Variants in COL26A1 observed in about 807,000 individuals in gnomAD.
COL26A1 encodes collagen alpha-1(XXVI) chain.
In COL26A1, 41 loss-of-function variants were observed where a neutral mutation model predicts 59.3. The ratio of observed to expected loss-of-function variants is 0.69; its 90% confidence interval spans 0.54 to 0.90. The LOEUF (loss-of-function observed/expected upper bound fraction) is 0.90, where lower values mean the gene tolerates loss of function less well. COL26A1 is among the 40% of genes least tolerant of loss of function. The probability of loss-of-function intolerance (pLI) is 0.00; values close to 1 mark genes in which losing one functional copy is unlikely to be tolerated. For missense variants in COL26A1, 612 were observed against 602.3 expected, an observed-to-expected ratio of 1.02 and a Z score of -0.17; for synonymous variants, 266 against 256.0, an observed-to-expected ratio of 1.04 and a Z score of -0.37.
chr7:101,479,697 A>G (rs1794117177), intron 3 of COL26A1, among the ~76,000 whole-genome samples: 1 of 152,048 alleles, frequency 6.6e-6, no homozygotes, highest in Non-Finnish European at 1.5e-5. Flanking sequence ...ACCTCAAGCT[A>G]TTATCTCTTC....
chr7:101,449,490 C>T (rs544239606), intron 3 of COL26A1, among the ~76,000 whole-genome samples: 8 of 152,192 alleles, frequency 5.3e-5, no homozygotes, highest in South Asian at 2.1e-4. Context: ...CAATGTTAGC[C>T]GGGAATGGTG....
chr7:101,479,922 T>A (rs1018947802), intron 3 of COL26A1, among the ~76,000 whole-genome samples: 3 of 152,212 alleles, frequency 2.0e-5, no homozygotes, highest in African/African-American at 7.2e-5. Context: ...ATTCTTCTCT[T>A]TTAGCTATTT....
intron 8 of COL26A1, among the ~76,000 whole-genome samples, chr7:101,548,241 A>C (rs1795781665): frequency 6.6e-6 from 1 of 152,106 alleles, no homozygotes; most frequent in South Asian, 2.1e-4. Flanking sequence ...GCCATGCTGG[A>C]CAGCCCAACA....
At chr7:101,536,100 T>C (rs1232574015) in intron 4 of COL26A1, among the ~76,000 whole-genome samples, 4 of 152,212 alleles carry the variant, frequency 2.6e-5, no homozygotes, top group Non-Finnish European at 5.9e-5. Context: ...AACCTCTGCC[T>C]CCTGGGACAG....
chr7:101,544,857 G>T (rs1795697261), intron 6 of COL26A1, among the ~76,000 whole-genome samples: 1 of 152,082 alleles, frequency 6.6e-6, no homozygotes, highest in African/African-American at 2.4e-5. Context: ...AGGGGCTTCG[G>T]GTACAGGCAT....
chr7:101,365,055 G>C (rs1791007981), intron 1 of COL26A1, among the ~76,000 whole-genome samples: 1 of 152,182 alleles, frequency 6.6e-6, no homozygotes, highest in South Asian at 2.1e-4. Flanking sequence ...GCTGAATAGG[G>C]CGGGACCCAG....
chr7:101,430,447 C>T (rs552737340), intron 2 of COL26A1, among the ~76,000 whole-genome samples: 1 of 151,840 alleles, frequency 6.6e-6, no homozygotes, highest in African/African-American at 2.4e-5. Flanking sequence ...CAGCACTGCA[C>T]CCAGCTAATT....
intron 4 of COL26A1, among the ~76,000 whole-genome samples, chr7:101,535,266 T>C (rs1158992081): frequency 1.3e-5 from 2 of 152,078 alleles, no homozygotes; most frequent in African/African-American, 4.8e-5. Flanking sequence ...AGAATGAGTA[T>C]AGGGGAAGAT....
intron 1 of COL26A1, among the ~76,000 whole-genome samples, chr7:101,402,048 C>T (rs1183972457): frequency 1.3e-5 from 2 of 152,116 alleles, no homozygotes; most frequent in Non-Finnish European, 2.9e-5. Flanking sequence ...CCCCTGGATT[C>T]GGAGTGGCTT....
chr7:101,473,378 G>T (rs1793952395), intron 3 of COL26A1, among the ~76,000 whole-genome samples: 1 of 151,970 alleles, frequency 6.6e-6, no homozygotes, highest in Non-Finnish European at 1.5e-5. Flanking sequence ...GCCCGGCCTG[G>T]GTTGCATGTT....
At chr7:101,551,806 T>C (rs1260292985) in intron 10 of COL26A1, among the ~76,000 whole-genome samples, 1 of 151,714 alleles carries the variant, frequency 6.6e-6, no homozygotes, top group Admixed American at 6.6e-5. Context: ...AGTCAGGCGC[T>C]TCCTTGATGC....
At chr7:101,365,613 T>TA (rs1337316081) in intron 1 of COL26A1, among the ~76,000 whole-genome samples, 2 of 151,766 alleles carry the variant, frequency 1.3e-5, no homozygotes, top group African/African-American at 4.8e-5. Flanking sequence ...TGTTGGCCAA[T>TA]AAAAAATGTA....
chr7:101,495,381 G>A (rs6967458), intron 3 of COL26A1, among the ~76,000 whole-genome samples: 14,759 of 151,850 alleles, frequency 0.097, 1,378 homozygotes, highest in African/African-American at 0.25. Flanking sequence ...CATGGGCACA[G>A]GCAGGGGCTA....
At position 101,477,179 on chromosome 7, in the gene COL26A1, G is replaced by A. The variant is rs79032414; in HGVS notation, c.385+29392G>A. Among the ~76,000 whole-genome samples, 542 of 152,210 alleles carry A rather than the reference G, an allele frequency of 3.6e-3. 4 individuals are homozygous for A. Among genetic ancestry groups the A allele is most frequent in the Middle Eastern group, 6.8e-3 (2 of 294 alleles). On this transcript the variant is annotated intron_variant, in intron 3 of 12. Transcript: ENST00000313669. Reference sequence around the variant, plus strand: ...TTTTTGTAAGGGTTAAGGCAAGGGGGATGTCTGTATTATACTGACTCAGGT... The same window carrying A: ...TTTTTGTAAGGGTTAAGGCAAGGGGAATGTCTGTATTATACTGACTCAGGT...
rs767806221 is a variant in COL26A1, at chr7:101,367,381, G to A, written c.158+4191G>A. Among the ~76,000 whole-genome samples, 66 of 152,096 alleles carry A rather than the reference G, an allele frequency of 4.3e-4. 1 individual carries two copies. The highest frequency in any genetic ancestry group is 8.5e-4 in the Non-Finnish European group (58 of 68,014). Reference sequence around the variant, plus strand: ...TAGGGATGTTATAAGAACAGGAAGAGAGGCCAGGTGCGGTGGCTCATGCCT... The same window carrying A: ...TAGGGATGTTATAAGAACAGGAAGAAAGGCCAGGTGCGGTGGCTCATGCCT... On this transcript the variant is annotated intron_variant, in intron 1 of 12. Transcript: ENST00000313669.
intron 2 of COL26A1, among the ~76,000 whole-genome samples, chr7:101,446,864 A>C (rs576204626): frequency 7.1e-6 from 1 of 140,146 alleles, no homozygotes; most frequent in South Asian, 2.1e-4. Context: ...AAAAAAAAAA[A>C]GAGAGAGAGA....
At chr7:101,553,397 C>A in intron 11 of COL26A1, 21 bp downstream of exon 11, 2 of 1,611,430 alleles carry the variant, frequency 1.2e-6, no homozygotes, top group South Asian at 2.2e-5. Flanking sequence ...CTGCCCTTCA[C>A]GTTCCCTCCC....
At chr7:101,466,690 C>G (rs1274104012) in intron 3 of COL26A1, among the ~76,000 whole-genome samples, 1 of 151,552 alleles carries the variant, frequency 6.6e-6, no homozygotes, top group East Asian at 1.9e-4. Context: ...ACCCTGTCTC[C>G]AAAAAATATA....
intron 3 of COL26A1, among the ~76,000 whole-genome samples, chr7:101,497,385 T>C (rs111495221): frequency 0.018 from 2,676 of 151,848 alleles, 77 homozygotes; most frequent in African/African-American, 0.061. Context: ...TTAAAGGTAT[T>C]TAACCCTGGC....
Sources: gnomAD v4.1 joint callset for allele counts (sites outside exome capture counted in the v4.1 genomes callset) on GRCh38, gnomAD v4.1.1 for gene constraint, MANE v1.5 for transcripts, NCBI Gene and HGNC (gene_info 2026-07-23, HGNC 2026-07-21) for gene names.